SPRED1: variants seen among roughly 807,000 people sequenced by gnomAD.
SPRED1 encodes sprouty related EVH1 domain containing 1.
Under a neutral mutation model 52.3 loss-of-function variants are expected in SPRED1, and 18 were observed. The observed-to-expected ratio is 0.34, with a 90% CI of 0.24 to 0.51. The LOEUF is 0.51. SPRED1 is among the 20% of genes least tolerant of loss of function. SPRED1 has a pLI of 0.97. For missense variants in SPRED1, 485 were observed against 551.0 expected (o/e 0.88, Z 1.20); for synonymous variants, 155 against 179.7 (o/e 0.86, Z 1.10).
intron 1 of SPRED1, among the ~76,000 whole-genome samples, chr15:38,277,621 G>T (rs10852014): frequency 0.83 from 125,606 of 152,136 alleles, 52,597 homozygotes; most frequent in Non-Finnish European, 0.9. Flanking sequence ...TTTATATTCC[G>T]TTGGGTACTT....
At chr15:38,277,440 G>A (rs60983826) in intron 1 of SPRED1, among the ~76,000 whole-genome samples, 5,046 of 152,178 alleles carry the variant, frequency 0.033, 284 homozygotes, top group African/African-American at 0.12. Flanking sequence ...TTGCTGCAGA[G>A]GACATGATCT....
chr15:38,316,090 A>G (rs997003520), intron 2 of SPRED1, among the ~76,000 whole-genome samples: 8 of 151,914 alleles, frequency 5.3e-5, no homozygotes, highest in Middle Eastern at 3.4e-3. Flanking sequence ...GGCCTGTTCT[A>G]TTTTTCATAG....
At position 38,351,554 on chromosome 15, in the gene SPRED1, G is replaced by T. The variant is rs762735151; in HGVS notation, c.1225G>T (p.Ala409Ser). ...KFCLRWLALV[A>S]LSFIVPCMCC... The stretch of plus-strand genomic sequence containing the variant: ...CTGCTTGCGATGGTTAGCCCTGGTA[G>T]CTTTGTCTTTCATTGTACCATGTAT... The change falls in exon 7 of 7, where the codon GCT (alanine) becomes TCT (serine). Residue 409 changes from alanine (A) to serine (S), a missense_variant. Coordinates refer to ENST00000299084, the MANE Select transcript of SPRED1 (RefSeq NM_152594.3). 8.7e-5 allele frequency: 140 copies of T among 1,614,044 alleles called. 3 individuals are homozygous for T. The South Asian group carries it at 1.5e-3, about 17-fold the overall frequency.
At chr15:38,259,664 C>T (rs2140948078) in intron 1 of SPRED1, among the ~76,000 whole-genome samples, 1 of 152,086 alleles carries the variant, frequency 6.6e-6, no homozygotes, top group East Asian at 1.9e-4. Flanking sequence ...TAACAAGATA[C>T]CAGTCTTTAT....
intron 4 of SPRED1, among the ~76,000 whole-genome samples, chr15:38,333,058 A>G (rs1356389535): frequency 1.3e-5 from 2 of 152,144 alleles, no homozygotes; most frequent in South Asian, 2.1e-4. Context: ...TCCTAATACT[A>G]TCATATTGGT....
chr15:38,293,803 G>A (rs1002055405), intron 1 of SPRED1, among the ~76,000 whole-genome samples: 5 of 151,900 alleles, frequency 3.3e-5, no homozygotes, highest in African/African-American at 9.7e-5. Flanking sequence ...TTTGAACTTC[G>A]TATTGGTTCT....
At chr15:38,253,264 G>A (rs1489204755) in intron 1 of SPRED1, 47 bp downstream of exon 1, 23 of 1,544,142 alleles carry the variant, frequency 1.5e-5, no homozygotes, top group Non-Finnish European at 2.0e-5. Context: ...CCCCCTATCC[G>A]CCCTCGGCTC....
At chr15:38,266,774 G>A (rs1291944327) in intron 1 of SPRED1, among the ~76,000 whole-genome samples, 5 of 152,144 alleles carry the variant, frequency 3.3e-5, no homozygotes, top group Admixed American at 6.5e-5. Flanking sequence ...GTTTTCCTTA[G>A]CAATGTTTCC....
chr15:38,280,442 A>C (rs546496519), intron 1 of SPRED1, among the ~76,000 whole-genome samples: 2 of 152,302 alleles, frequency 1.3e-5, no homozygotes, highest in African/African-American at 4.8e-5. Context: ...AAAATACAGA[A>C]AGGTACAGAA....
intron 1 of SPRED1, among the ~76,000 whole-genome samples, chr15:38,266,274 A>G (rs1449267243): frequency 6.6e-6 from 1 of 152,216 alleles, no homozygotes; most frequent in African/African-American, 2.4e-5. Flanking sequence ...CTCTTGATGA[A>G]GGTTATTGGA....
At chr15:38,280,172 G>T (rs1894656767) in intron 1 of SPRED1, among the ~76,000 whole-genome samples, 1 of 152,076 alleles carries the variant, frequency 6.6e-6, no homozygotes, top group African/African-American at 2.4e-5. Flanking sequence ...TATTTTTAGG[G>T]ATCATTGATA....
At chr15:38,270,700 C>T (rs867814864) in intron 1 of SPRED1, among the ~76,000 whole-genome samples, 8 of 152,118 alleles carry the variant, frequency 5.3e-5, no homozygotes, top group Non-Finnish European at 1.0e-4. Context: ...ATTACATACT[C>T]GACCTGAGAT....
chr15:38,323,077 G>A lies in SPRED1; in HGVS notation c.376+668G>A, dbSNP rs184159474. ...AGACTTGATTTTTTTTTCTAATTAG[G>A]AGGAAAATTATTTCAATTTAACTAA... On this transcript the variant is annotated intron_variant, in intron 3 of 6. Transcript: ENST00000299084. Among the ~76,000 whole-genome samples, 326 of 151,962 alleles carry A rather than the reference G, an allele frequency of 2.1e-3. 2 individuals carry two copies. Among genetic ancestry groups the A allele is most frequent in the Non-Finnish European group, 3.0e-3 (202 of 67,922 alleles).
chr15:38,319,533 C>T (rs1895559010), intron 2 of SPRED1, among the ~76,000 whole-genome samples: 1 of 152,138 alleles, frequency 6.6e-6, no homozygotes, highest in Admixed American at 6.5e-5. Context: ...GTTCCCACCA[C>T]CACGCCCGGC....
At chr15:38,295,142 G>A (rs1024856806) in intron 1 of SPRED1, among the ~76,000 whole-genome samples, 7 of 152,104 alleles carry the variant, frequency 4.6e-5, no homozygotes, top group African/African-American at 1.4e-4. Flanking sequence ...AAGCAGTCAC[G>A]TGTTTTGCAA....
chr15:38,356,873 A>G lies in SPRED1; in HGVS notation c.*5209A>G, dbSNP rs534154937. On this transcript the variant is annotated 3_prime_UTR_variant, in exon 7 of 7. Transcript: ENST00000299084. ...AATTATAGTGTATCTCAACACTAGA[A>G]TAAGTTGGATTACTATATTATAGTT... 6.6e-6 allele frequency: 1 copy of G among 152,290 alleles called. No homozygotes were observed. The highest frequency in any genetic ancestry group is 2.1e-4 in the South Asian group (1 of 4,830). 9.4% of individuals were successfully genotyped at this position (152,290 alleles called of 1,614,324 possible).
intron 5 of SPRED1, among the ~76,000 whole-genome samples, chr15:38,344,328 G>A (rs986076804): frequency 7.2e-5 from 11 of 152,038 alleles, no homozygotes; most frequent in African/African-American, 2.2e-4. Context: ...ATTCCTCATC[G>A]CAGGCCCTGG....
rs121434314 is a variant in SPRED1 at position 38,349,482 on chromosome 15, C to G, written c.643C>G (p.Gln215Glu). The change falls in exon 6 of 7, where the codon CAA (glutamine) becomes GAA (glutamate). Residue 215 changes from glutamine to glutamate, a missense_variant. Transcript: ENST00000299084. Reference sequence around the variant, plus strand: ...CAGAAGTATGGAATACGTACAGCGGCAAATATCCAAGGAATGTGGAAGCCT... The same window carrying G: ...CAGAAGTATGGAATACGTACAGCGGGAAATATCCAAGGAATGTGGAAGCCT... ...QSRSMEYVQR[Q>E]ISKECGSLKS... The G allele has an allele frequency of 6.2e-7, 1 of 1,612,594 alleles. No individual in the cohort carries two copies. Among genetic ancestry groups the G allele is most frequent in the Non-Finnish European group, 8.5e-7 (1 of 1,178,944 alleles).
At chr15:38,258,724 T>G (rs563567382) in intron 1 of SPRED1, among the ~76,000 whole-genome samples, 11 of 152,310 alleles carry the variant, frequency 7.2e-5, no homozygotes, top group African/African-American at 2.2e-4. Flanking sequence ...TAAAATTGAT[T>G]TAAAAACTTA....
Sources: gnomAD v4.1 joint callset for allele counts (sites outside exome capture counted in the v4.1 genomes callset) on GRCh38, gnomAD v4.1.1 for gene constraint, MANE v1.5 for transcripts, NCBI Gene and HGNC (gene_info 2026-07-23, HGNC 2026-07-21) for gene names.